Variants in FAXC observed in about 807,000 individuals in gnomAD.
FAXC encodes failed axon connections homolog, metaxin like GST domain containing.
A neutral mutation model predicts 41.9 loss-of-function variants in FAXC; 10 were observed. The observed-to-expected ratio is 0.24, with a 90% CI of 0.15 to 0.41. FAXC has a LOEUF of 0.41. Ranked by LOEUF, FAXC falls within the 10% of genes least tolerant of loss-of-function variation. FAXC has a pLI of 1.00. For missense variants in FAXC, 399 were observed against 510.9 expected, an observed-to-expected ratio of 0.78 and a Z score of 2.11; for synonymous variants, 183 against 183.8, an observed-to-expected ratio of 1.00 and a Z score of 0.03.
chr6:99,308,579 G>C (rs141573986), intron 4 of FAXC, among the ~76,000 whole-genome samples: 16 of 148,164 alleles, frequency 1.1e-4, no homozygotes, highest in African/African-American at 4.0e-4. Context: ...CAGAAGTAAT[G>C]CATCCAGACA....
chr6:99,275,181 G>A lies in FAXC; in HGVS notation c.*5983C>T, dbSNP rs1054998327. On this transcript the variant is annotated 3_prime_UTR_variant, in exon 6 of 6. Transcript: ENST00000389677. ...AAAAATAAATGCATGCCAATGGGGG[G>A]TGGGAGGTGAATTAGTCACATTTAG... The A allele has an allele frequency of 3.9e-5, 6 of 152,268 alleles. No homozygotes were observed. The highest frequency in any genetic ancestry group is 1.9e-4 in the East Asian group (1 of 5,192). The allele number at this position is 152,268 out of a possible 1,614,324, so 9.4% of individuals were successfully genotyped here.
rs541600760 is a variant in FAXC, at chr6:99,290,735, G to A, written c.940+969C>T. Among the ~76,000 whole-genome samples the A allele has an allele frequency of 9.3e-5, 14 of 150,704 alleles. No homozygotes were observed. In the South Asian group the frequency reaches 1.1e-3, roughly 11 times the overall value. Reference sequence around the variant, plus strand: ...AAAATAATAATAATAATAATACTTCGGAAAGCACTAGACTCACAAAGTATT... The same window carrying A: ...AAAATAATAATAATAATAATACTTCAGAAAGCACTAGACTCACAAAGTATT... On this transcript the variant is annotated intron_variant, in intron 5 of 5. Transcript: ENST00000389677.
chr6:99,317,535 AAGGTAGTAGTC>A (rs1410026090), intron 4 of FAXC, among the ~76,000 whole-genome samples: 3 of 152,220 alleles, frequency 2.0e-5, no homozygotes, highest in Non-Finnish European at 4.4e-5. Flanking sequence ...TTAAGAAACC[AAGGTAGTAGTC>A]AGGTCAGAAA....
intron 5 of FAXC, among the ~76,000 whole-genome samples, chr6:99,281,675 T>C (rs956793025): frequency 2.6e-5 from 4 of 152,168 alleles, no homozygotes; most frequent in African/African-American, 9.7e-5. Context: ...CTTCCCCCTT[T>C]TACCATGTGA....
intron 1 of FAXC, among the ~76,000 whole-genome samples, chr6:99,344,834 C>CA (rs2128465935): frequency 6.6e-6 from 1 of 152,174 alleles, no homozygotes; most frequent in East Asian, 1.9e-4. Context: ...AGGAGACAAA[C>CA]AAAAAATCCC....
At chr6:99,325,780 G>A (rs1026831355) in intron 3 of FAXC, among the ~76,000 whole-genome samples, 8 of 152,206 alleles carry the variant, frequency 5.3e-5, no homozygotes, top group African/African-American at 1.9e-4. Context: ...ATGGTTTTAG[G>A]ATAAAACTAA....
intron 4 of FAXC, among the ~76,000 whole-genome samples, chr6:99,320,221 A>G (rs1431613794): frequency 6.6e-6 from 1 of 152,188 alleles, no homozygotes; most frequent in Non-Finnish European, 1.5e-5. Flanking sequence ...AGGAATGAAT[A>G]CTAAACTTCA....
At chr6:99,288,256 G>A (rs74520662) in intron 5 of FAXC, among the ~76,000 whole-genome samples, 8,218 of 152,306 alleles carry the variant, frequency 0.054, 439 homozygotes, top group Admixed American at 0.18. Context: ...CAGTGTGTGT[G>A]TGCACATTTG....
At chr6:99,336,875 CA>C (rs1773237304) in intron 2 of FAXC, among the ~76,000 whole-genome samples, 1 of 152,152 alleles carries the variant, frequency 6.6e-6, no homozygotes, top group Non-Finnish European at 1.5e-5. Context: ...ATATACTGGC[CA>C]GAATACCCAT....
chr6:99,339,677 G>A (rs1218196362), intron 2 of FAXC, among the ~76,000 whole-genome samples: 2 of 152,020 alleles, frequency 1.3e-5, no homozygotes, highest in East Asian at 1.9e-4. Flanking sequence ...CAATAGATGG[G>A]GTAAATAGCA....
At position 99,275,455 on chromosome 6, in the gene FAXC, CT is replaced by C. The variant is rs1218672078; in HGVS notation, c.*5708del. The stretch of plus-strand genomic sequence containing the variant: ...TATTGCAATGGTCCCCTTTATTTGT[CT>C]ACCAATTTTACAATTTAAGGCAATC... On this transcript the variant is annotated 3_prime_UTR_variant, in exon 6 of 6. Transcript: ENST00000389677. 1 of 152,150 alleles carries C rather than the reference CT, an allele frequency of 6.6e-6. No homozygotes were observed. Among genetic ancestry groups the C allele is most frequent in the African/African-American group, 2.4e-5 (1 of 41,444 alleles). 9.4% of individuals were successfully genotyped at this position (152,150 alleles called of 1,614,324 possible).
intron 4 of FAXC, among the ~76,000 whole-genome samples, chr6:99,301,799 C>T (rs1471875438): frequency 1.3e-5 from 2 of 152,190 alleles, no homozygotes; most frequent in East Asian, 3.9e-4. Context: ...CCCACCATAG[C>T]AGGATAAGCT....
rs1773016110 is a variant in FAXC at position 99,331,288 on chromosome 6, A to T, written c.599+2063T>A. On this transcript the variant is annotated intron_variant, in intron 3 of 5. Transcript: ENST00000389677. ...TTGTCCTTAGAAGAGTCTACATATGACCCAAGCAGATCCCCAAGCCTTTGG... is the reference window on the plus strand; with the variant it reads ...TTGTCCTTAGAAGAGTCTACATATGTCCCAAGCAGATCCCCAAGCCTTTGG... Among the ~76,000 whole-genome samples the T allele has an allele frequency of 2.6e-5, 4 of 152,160 alleles. No homozygotes were observed. The South Asian group carries it at 8.3e-4, about 31-fold the overall frequency.
rs536370853 is a variant in FAXC at position 99,320,994 on chromosome 6, C to G, written c.823+2450G>C. The stretch of plus-strand genomic sequence containing the variant: ...GGTGAATATTTCAGGCTCTCCAGGC[C>G]TCATGGGCACATTTCTGTTGCATTT... On this transcript the variant is annotated intron_variant, in intron 4 of 5. Transcript: ENST00000389677. 4.6e-5 allele frequency among the ~76,000 whole-genome samples: 7 copies of G among 152,210 alleles called. No homozygotes were observed. In the South Asian group the frequency reaches 6.2e-4, roughly 14 times the overall value.
chr6:99,323,317 G>A, intron 4 of FAXC, 127 bp downstream of exon 4: 1 of 756,086 alleles, frequency 1.3e-6, no homozygotes, highest in Non-Finnish European at 2.1e-6. Flanking sequence ...TGTGGGGACT[G>A]CAATCTACAC....
In FAXC at chr6:99,343,007, T is replaced by C; in HGVS notation, c.293A>G (p.Asp98Gly). 6.2e-7 allele frequency: 1 copy of C among 1,609,588 alleles called. No homozygotes were observed. The highest frequency in any genetic ancestry group is 8.5e-7 in the Non-Finnish European group (1 of 1,178,880). The part of the protein sequence containing the change: ...IRKQQEIDSK[D>G]AIILHQFARP... ...TGCAAACTGATGCAAAATAATAGCA[T>C]CTTTAGAGTCAATCTCTTGCTGTTT... is the stretch of plus-strand genomic sequence containing the variant. The change falls in exon 2 of 6, where the codon GAT (aspartate) becomes GGT (glycine). Residue 98 changes from aspartate (D) to glycine (G), a missense_variant. By Grantham distance (94) the Asp-to-Gly change is moderately conservative (BLOSUM62 -1). This residue lies in a region of FAXC where 239 missense variants were observed against 352.7 expected (regional missense o/e 0.68). Transcript: ENST00000389677.
intron 4 of FAXC, among the ~76,000 whole-genome samples, chr6:99,300,868 CT>C (rs1771677085): frequency 6.6e-6 from 1 of 152,192 alleles, no homozygotes. Context: ...AGTTCAAATC[CT>C]TTTATAAGGA....
rs367574072 is a variant in FAXC, at chr6:99,323,583, G to A, written c.684C>T (p.Asn228=). 4 of 1,614,174 alleles carry A rather than the reference G, an allele frequency of 2.5e-6. No individual in the cohort carries two copies. In the Admixed American group the frequency reaches 6.7e-5, roughly 27 times the overall value. ...LSLSGGGPFS[N]LLRWVVCHIT... ...TGTGGCACACAACCCACCTCAGCAG[G>A]TTGCTGAAGGGACCACCACCACTAA... The change falls in exon 4 of 6, where the codon AAC becomes AAT. Residue 228 remains asparagine (N), a synonymous_variant. Coordinates refer to ENST00000389677, the MANE Select transcript of FAXC (RefSeq NM_032511.4).
intron 4 of FAXC, among the ~76,000 whole-genome samples, chr6:99,321,144 G>A (rs1280377314): frequency 3.9e-5 from 6 of 152,202 alleles, no homozygotes. Context: ...TGGACTATAA[G>A]CTAGTTGAGA....
Sources: gnomAD v4.1 joint callset for allele counts (sites outside exome capture counted in the v4.1 genomes callset) on GRCh38, gnomAD v4.1.1 for gene constraint, gnomAD v4.1.1 regional missense constraint, MANE v1.5 for transcripts, NCBI Gene and HGNC (gene_info 2026-07-23, HGNC 2026-07-21) for gene names.